The following NBEA variants were observed in gnomAD, a reference collection of about 807,000 sequenced individuals.
The protein encoded by NBEA is lysosomal-trafficking regulator 2.
Under a neutral mutation model 343.4 loss-of-function variants are expected in NBEA, and 44 were observed. That is an observed-to-expected ratio of 0.13 (90% confidence interval 0.10 to 0.16). The LOEUF (loss-of-function observed/expected upper bound fraction) is 0.16. NBEA is among the 10% of genes least tolerant of loss of function. The pLI is 1.00. For synonymous variants in NBEA, 1,175 were observed against 1,238.7 expected, an observed-to-expected ratio of 0.95 and a Z score of 1.08; for missense variants, 2,555 against 3,631.3, an observed-to-expected ratio of 0.70 and a Z score of 7.62.
chr13:34,949,528 C>T (rs1336095485), intron 1 of NBEA, among the ~76,000 whole-genome samples: 1 of 152,096 alleles, frequency 6.6e-6, no homozygotes, highest in African/African-American at 2.4e-5. Flanking sequence ...GTGAGATCTT[C>T]TGAGATATAG....
intron 34 of NBEA, among the ~76,000 whole-genome samples, chr13:35,245,252 T>C (rs1175087348): frequency 6.6e-6 from 1 of 152,174 alleles, no homozygotes; most frequent in African/African-American, 2.4e-5. Flanking sequence ...ATCTATTCTG[T>C]AATTCTGTTT....
chr13:35,634,275 G>A (rs185446255), intron 49 of NBEA, among the ~76,000 whole-genome samples: 8 of 152,128 alleles, frequency 5.3e-5, no homozygotes, highest in Non-Finnish European at 1.0e-4. Flanking sequence ...CCCGGGAGGC[G>A]CAGCTTGTAG....
chr13:35,437,704 C>G (rs2045516488), intron 39 of NBEA, among the ~76,000 whole-genome samples: 1 of 152,036 alleles, frequency 6.6e-6, no homozygotes, highest in African/African-American at 2.4e-5. Context: ...ATTTTATGGA[C>G]CATAGCAATG....
At chr13:35,635,343 C>T (rs2083650428) in intron 49 of NBEA, among the ~76,000 whole-genome samples, 1 of 152,042 alleles carries the variant, frequency 6.6e-6, no homozygotes, top group African/African-American at 2.4e-5. Context: ...GCCTAATTGT[C>T]TTCATATGGG....
intron 40 of NBEA, among the ~76,000 whole-genome samples, chr13:35,460,787 T>G (rs1015537052): frequency 6.6e-6 from 1 of 152,348 alleles, no homozygotes; most frequent in East Asian, 1.9e-4. Context: ...CATTTTCTGT[T>G]GTTTATAACA....
chr13:35,100,937 A>G (rs1269229849), intron 11 of NBEA, among the ~76,000 whole-genome samples: 2 of 151,972 alleles, frequency 1.3e-5, no homozygotes, highest in African/African-American at 2.4e-5. Flanking sequence ...AATATTTCAC[A>G]TAAGTGAGAT....
intron 35 of NBEA, among the ~76,000 whole-genome samples, chr13:35,306,479 A>G (rs903732983): frequency 2.0e-5 from 3 of 151,322 alleles, no homozygotes; most frequent in Non-Finnish European, 4.4e-5. Flanking sequence ...GATATTTTCA[A>G]CTCTTTTTTA....
intron 49 of NBEA, among the ~76,000 whole-genome samples, chr13:35,642,662 G>A (rs766544993): frequency 2.6e-5 from 4 of 152,170 alleles, no homozygotes; most frequent in African/African-American, 4.8e-5. Context: ...AGTGGTGGGC[G>A]TTACAAAAGG....
chr13:35,367,543 CTGT>C (rs1277711754), intron 38 of NBEA, among the ~76,000 whole-genome samples: 15 of 137,192 alleles, frequency 1.1e-4, no homozygotes, highest in South Asian at 4.5e-4. Flanking sequence ...CTGTTAGAAG[CTGT>C]TGTTGTTGTT....
chr13:35,653,517 G>A (rs992459474), intron 53 of NBEA, among the ~76,000 whole-genome samples: 5 of 151,978 alleles, frequency 3.3e-5, no homozygotes, highest in Non-Finnish European at 5.9e-5. Flanking sequence ...TTTTAGTAGA[G>A]ACAGGGTTTC....
intron 1 of NBEA, among the ~76,000 whole-genome samples, chr13:35,005,216 A>T (rs151234116): frequency 5.5e-5 from 8 of 145,308 alleles, no homozygotes; most frequent in Non-Finnish European, 9.0e-5. Flanking sequence ...CACAGGGCAG[A>T]TTTTTTTTTT....
At chr13:35,224,486 A>C (rs2152764025) in intron 33 of NBEA, among the ~76,000 whole-genome samples, 1 of 152,166 alleles carries the variant, frequency 6.6e-6, no homozygotes, top group South Asian at 2.1e-4. Flanking sequence ...ATATGTCTAT[A>C]TTTTATTGGC....
intron 30 of NBEA, among the ~76,000 whole-genome samples, chr13:35,194,535 ACTT>A (rs2072440329): frequency 6.6e-6 from 1 of 152,142 alleles, no homozygotes; most frequent in African/African-American, 2.4e-5. Flanking sequence ...AAACTTTCAA[ACTT>A]AAATGCAAGT....
Position 34,986,629 on chromosome 13 carries a change from G to A in NBEA, c.294+43515G>A, listed in dbSNP as rs183920351. Among the ~76,000 whole-genome samples the A allele has an allele frequency of 7.3e-5, 11 of 150,964 alleles. No homozygotes were observed. In the East Asian group the frequency reaches 2.1e-3, roughly 29 times the overall value. ...CTCATTGATCTGTCTAATATTGACA[G>A]TAGGGTGTTAAAGTCTCCCATTATT... On this transcript the variant is annotated intron_variant, in intron 1 of 58. Transcript: ENST00000379939.
intron 1 of NBEA, among the ~76,000 whole-genome samples, chr13:35,038,492 G>A (rs2062531407): frequency 6.6e-6 from 1 of 151,958 alleles, no homozygotes; most frequent in Non-Finnish European, 1.5e-5. Flanking sequence ...AAGCCAACAA[G>A]TCTCAGAAAC....
chr13:35,659,308 C>G (rs1470550242), intron 55 of NBEA, among the ~76,000 whole-genome samples: 9 of 152,150 alleles, frequency 5.9e-5, no homozygotes, highest in Non-Finnish European at 2.9e-5. Context: ...ACCTGTTCAT[C>G]ACAACATCAT....
intron 36 of NBEA, among the ~76,000 whole-genome samples, chr13:35,344,116 C>T (rs1053780998): frequency 5.3e-5 from 8 of 151,774 alleles, no homozygotes; most frequent in Non-Finnish European, 8.8e-5. Flanking sequence ...TATTTGAAGG[C>T]GAGGACAAAT....
At chr13:35,423,594 G>A (rs1308806007) in intron 38 of NBEA, among the ~76,000 whole-genome samples, 1 of 152,138 alleles carries the variant, frequency 6.6e-6, no homozygotes, top group African/African-American at 2.4e-5. Context: ...GATGCCTCCA[G>A]CTTTGTTCTT....
intron 38 of NBEA, among the ~76,000 whole-genome samples, chr13:35,420,333 A>G (rs2044191494): frequency 6.6e-6 from 1 of 152,006 alleles, no homozygotes; most frequent in Non-Finnish European, 1.5e-5. Flanking sequence ...AAAATTGTGA[A>G]TCGTTGCTAA....
Sources: allele counts gnomAD v4.1 joint callset (sites outside exome capture counted in the v4.1 genomes callset), GRCh38; gene constraint gnomAD v4.1.1; transcripts MANE v1.5; gene names NCBI Gene and HGNC (gene_info 2026-07-23, HGNC 2026-07-21).